TRAPPC13: variants seen among roughly 807,000 people sequenced by gnomAD.
TRAPPC13 encodes the protein REV7-interacting novel NHEJ regulator 1.
TRAPPC13 carries 39 observed loss-of-function variants against 54.0 expected under a neutral mutation model. The ratio of observed to expected loss-of-function variants is 0.72; its 90% CI spans 0.56 to 0.94. The LOEUF (loss-of-function observed/expected upper bound fraction) is 0.94, where lower values mean the gene tolerates loss of function less well. TRAPPC13 is among the 40% of genes least tolerant of loss of function. TRAPPC13 has a pLI of 0.00. For missense variants in TRAPPC13, 386 were observed against 488.1 expected (o/e 0.79, Z 1.97); for synonymous variants, 148 against 167.7 (o/e 0.88, Z 0.91).
At chr5:65,660,074 AG>A (rs1447445084) in intron 9 of TRAPPC13, among the ~76,000 whole-genome samples, 1 of 151,208 alleles carries the variant, frequency 6.6e-6, no homozygotes, top group Non-Finnish European at 1.5e-5. Context: ...TTATATTCTT[AG>A]GTTGGTTACA....
Position 65,664,549 on chromosome 5 carries a change from TATG to T in TRAPPC13, c.1194_1196del (p.Tyr398_Glu399delinsTer). ...AACAGACACATTCTTAAAGAGAACA[TATG>T]AATATGATGACATCGCACAAGTCTG... is the stretch of plus-strand genomic sequence containing the variant. On this transcript the variant is annotated stop_gained and inframe_deletion, in exon 13 of 13. Transcript: ENST00000399438. LOFTEE classifies it high-confidence loss of function. 6.2e-7 allele frequency: 1 copy of T among 1,612,160 alleles called. No individual in the cohort carries two copies. The highest frequency in any genetic ancestry group is 8.5e-7 in the Non-Finnish European group (1 of 1,179,540).
rs377458110 is a variant in TRAPPC13, at chr5:65,664,354, T to C, written c.1116T>C (p.Leu372=). The C allele has an allele frequency of 3.0e-5, 49 of 1,613,748 alleles. No individual in the cohort carries two copies. The highest frequency in any genetic ancestry group is 3.5e-5 in the Non-Finnish European group (41 of 1,179,846). The change falls in exon 12 of 13, where the codon CTT becomes CTC. Residue 372 remains leucine (L), a synonymous_variant. Coordinates refer to ENST00000399438, the MANE Select transcript of TRAPPC13 (RefSeq NM_024941.4). ...CAAGTTCTTCGCTCTGTCTTGCCCTTACTCTGCTTTCTTCAGTACAGGGAC... is the reference window on the plus strand; with the variant it reads ...CAAGTTCTTCGCTCTGTCTTGCCCTCACTCTGCTTTCTTCAGTACAGGGAC... The part of the protein sequence containing the change: ...LHPSSSLCLA[L]TLLSSVQGLQ...
intron 1 of TRAPPC13, chr5:65,625,385 C>T (rs1317933789): frequency 9.6e-6 from 4 of 415,124 alleles, no homozygotes; most frequent in African/African-American, 2.0e-5. Context: ...CCGCTCCTAC[C>T]GTGGAGATCT....
intron 1 of TRAPPC13, among the ~76,000 whole-genome samples, chr5:65,628,099 C>CA (rs1755334492): frequency 6.6e-6 from 1 of 152,140 alleles, no homozygotes; most frequent in African/African-American, 2.4e-5. Context: ...GCCTGATTAG[C>CA]AAGCCTAACT....
chr5:65,635,052 A>G (rs1755697972), intron 1 of TRAPPC13: 3 of 559,478 alleles, frequency 5.4e-6, no homozygotes, highest in South Asian at 1.6e-4. Context: ...TAATGAATGC[A>G]TATTGTATTT....
At chr5:65,653,767 G>A (rs17241135) in intron 7 of TRAPPC13, among the ~76,000 whole-genome samples, 35,016 of 152,048 alleles carry the variant, frequency 0.23, 4,411 homozygotes, top group Non-Finnish European at 0.28. Context: ...CCTATTTGAC[G>A]AGAGGGAAAA....
In TRAPPC13 at chr5:65,664,659, C is replaced by T; in HGVS notation, c.*48C>T. The T allele has an allele frequency of 7.4e-7, 1 of 1,354,362 alleles. No homozygotes were observed. Among genetic ancestry groups the T allele is most frequent in the Non-Finnish European group, 1.0e-6 (1 of 961,960 alleles). The allele number at this position is 1,354,362 out of a possible 1,614,324, so 83.9% of individuals were successfully genotyped here. ...TTTCATTTAGTTTCACAGAACTGCT[C>T]TTTTTGTTACCTTTGTAAAATGATG... On this transcript the variant is annotated 3_prime_UTR_variant, in exon 13 of 13. Coordinates refer to ENST00000399438, the MANE Select transcript of TRAPPC13 (RefSeq NM_024941.4).
At chr5:65,628,671 C>CAT (rs1363490336) in intron 1 of TRAPPC13, among the ~76,000 whole-genome samples, 1 of 151,688 alleles carries the variant, frequency 6.6e-6, no homozygotes, top group African/African-American at 2.4e-5. Flanking sequence ...GGAGTTTCAC[C>CAT]ATGTTGGCCA....
At chr5:65,635,218 G>A (rs1755703421) in intron 1 of TRAPPC13, 83 bp from the exon 2 acceptor site, 3 of 1,157,370 alleles carry the variant, frequency 2.6e-6, no homozygotes, top group Middle Eastern at 2.0e-4. Flanking sequence ...GTATAAAATG[G>A]ATGAATGTCA....
At chr5:65,630,120 G>A in intron 1 of TRAPPC13, 4 of 1,536,054 alleles carry the variant, frequency 2.6e-6, no homozygotes, top group Non-Finnish European at 3.5e-6. Context: ...ATTTGTAACA[G>A]CCAAACTCTG....
chr5:65,654,390 C>T lies in TRAPPC13; in HGVS notation c.547-1246C>T, dbSNP rs186180962. Among the ~76,000 whole-genome samples the T allele has an allele frequency of 2.0e-5, 3 of 151,840 alleles. No individual in the cohort carries two copies. The South Asian group carries it at 6.6e-4, about 33-fold the overall frequency. ...TGACATAATCTTTAAATCTTGCTAA[C>T]AAACTTCAATCAAAATAATTTCAGT... On this transcript the variant is annotated intron_variant, in intron 7 of 12. Transcript: ENST00000399438.
rs1220702274 is a variant in TRAPPC13, at chr5:65,658,502, G to T, written c.698+1G>T. 6.4e-7 allele frequency: 1 copy of T among 1,554,014 alleles called. No homozygotes were observed. Among genetic ancestry groups the T allele is most frequent in the Non-Finnish European group, 8.7e-7 (1 of 1,147,526 alleles). On this transcript the variant is annotated splice_donor_variant, in intron 9 of 12. Transcript: ENST00000399438. LOFTEE classifies it high-confidence loss of function. Reference sequence around the variant, plus strand: ...ATTCAGTCAGCCAAGCTGGAGAATGGTAAATATTAATTTATGAAGTCTTTA... The same window carrying T: ...ATTCAGTCAGCCAAGCTGGAGAATGTTAAATATTAATTTATGAAGTCTTTA...
At chr5:65,645,214 A>AAAAAAAG (rs1756139932) in intron 4 of TRAPPC13, among the ~76,000 whole-genome samples, 1 of 151,514 alleles carries the variant, frequency 6.6e-6, no homozygotes, top group African/African-American at 2.4e-5. Context: ...AAAAAAAAAA[A>AAAAAAAG]GAATTTTGAA....
intron 1 of TRAPPC13, among the ~76,000 whole-genome samples, chr5:65,631,201 C>T (rs1353062367): frequency 6.6e-6 from 1 of 152,140 alleles, no homozygotes; most frequent in African/African-American, 2.4e-5. Flanking sequence ...CACCAGCTCC[C>T]TAAGAAAAAT....
chr5:65,628,363 A>C (rs1755345014), intron 1 of TRAPPC13, among the ~76,000 whole-genome samples: 1 of 152,220 alleles, frequency 6.6e-6, no homozygotes, highest in Admixed American at 6.5e-5. Flanking sequence ...CCATATTAGC[A>C]AAGTTAAACC....
rs1346426564 is a variant in TRAPPC13, at chr5:65,665,835, T to C, written c.*1224T>C. 1 of 152,720 alleles carries C rather than the reference T, an allele frequency of 6.5e-6. No homozygotes were observed. The highest frequency in any genetic ancestry group is 1.9e-4 in the East Asian group (1 of 5,192). The allele number at this position is 152,720 out of a possible 1,614,324, so 9.5% of individuals were successfully genotyped here. ...GTCAGGAAAACAAAAGCTTAGGCTG[T>C]TAAATAAAAGCTATTCTATTTTGGT... On this transcript the variant is annotated 3_prime_UTR_variant, in exon 13 of 13. Transcript: ENST00000399438.
chr5:65,633,007 A>G (rs1038182011), intron 1 of TRAPPC13, among the ~76,000 whole-genome samples: 6 of 152,212 alleles, frequency 3.9e-5, no homozygotes, highest in Admixed American at 3.9e-4. Flanking sequence ...CCTAGACCTC[A>G]TGGAGTTTGG....
chr5:65,636,474 A>C (rs946164321), intron 3 of TRAPPC13, among the ~76,000 whole-genome samples: 18 of 152,080 alleles, frequency 1.2e-4, no homozygotes, highest in African/African-American at 4.3e-4. Context: ...AATATTATTA[A>C]AAAATCATAC....
At chr5:65,625,434 C>T (rs1016086245) in intron 1 of TRAPPC13, 3 of 334,058 alleles carry the variant, frequency 9.0e-6, no homozygotes, top group Non-Finnish European at 1.1e-5. Flanking sequence ...CTTTTTCCTT[C>T]TGTCTCTTGT....
Sources: gnomAD v4.1 joint callset for allele counts (sites outside exome capture counted in the v4.1 genomes callset) on GRCh38, gnomAD v4.1.1 for gene constraint, MANE v1.5 for transcripts, NCBI Gene and HGNC (gene_info 2026-07-23, HGNC 2026-07-21) for gene names.